Variants in NHS observed in about 807,000 individuals in gnomAD.
The protein encoded by NHS is NHS actin remodeling regulator, also known as actin remodeling regulator NHS.
NHS carries 5 observed loss-of-function variants against 72.5 expected under a neutral mutation model. The observed-to-expected ratio is 0.07, with a 90% CI of 0.04 to 0.14. The LOEUF is 0.14. NHS is among the 10% of genes least tolerant of loss of function. The probability of loss-of-function intolerance (pLI) is 1.00; values close to 1 mark genes in which losing one functional copy is unlikely to be tolerated. For missense variants in NHS, 1,072 were observed against 1,355.7 expected, an observed-to-expected ratio of 0.79 and a Z score of 3.29; for synonymous variants, 464 against 547.7, an observed-to-expected ratio of 0.85 and a Z score of 2.13.
intron 1 of NHS, among the ~76,000 whole-genome samples, chrX:17,503,078 G>T (rs1185872962): frequency 9.0e-6 from 1 of 111,599 alleles, no homozygotes; most frequent in East Asian, 2.8e-4. Context: ...GAACCTTAAG[G>T]CTGGCAAAGA....
intron 1 of NHS, among the ~76,000 whole-genome samples, chrX:17,541,742 A>G (rs1294324146): frequency 2.1e-5 from 2 of 94,452 alleles, no homozygotes; most frequent in East Asian, 7.0e-4. Context: ...CCAGGATGAA[A>G]GAGCCCAAGG....
intron 1 of NHS, among the ~76,000 whole-genome samples, chrX:17,407,013 C>T (rs967128498): frequency 3.6e-5 from 4 of 111,507 alleles, no homozygotes; most frequent in African/African-American, 1.3e-4. Context: ...AGGACTGGGC[C>T]ATGTCAATTC....
chrX:17,566,892 T>C (rs1204858182), intron 1 of NHS, among the ~76,000 whole-genome samples: 3 of 110,921 alleles, frequency 2.7e-5, no homozygotes, highest in Non-Finnish European at 1.9e-5. Context: ...CCATTTAACC[T>C]TGTGACTCAT....
intron 1 of NHS, among the ~76,000 whole-genome samples, chrX:17,500,726 A>G (rs919268326): frequency 8.9e-6 from 1 of 111,803 alleles, no homozygotes. Flanking sequence ...GAAGAGAATG[A>G]CAAGGGTTCA....
At chrX:17,628,561 C>T (rs958040050) in intron 1 of NHS, among the ~76,000 whole-genome samples, 2 of 113,131 alleles carry the variant, frequency 1.8e-5, no homozygotes, top group Non-Finnish European at 3.7e-5. Flanking sequence ...AAGTGACAGA[C>T]GTTTCCTGTG....
intron 1 of NHS, among the ~76,000 whole-genome samples, chrX:17,518,469 G>A (rs953859778): frequency 1.8e-5 from 2 of 111,402 alleles, no homozygotes; most frequent in South Asian, 3.8e-4. Context: ...GCCTCTCCCC[G>A]CCCCTCCAGT....
chrX:17,631,949 T>TTA (rs1403639109), intron 1 of NHS, among the ~76,000 whole-genome samples: 1 of 111,725 alleles, frequency 9.0e-6, no homozygotes, highest in Non-Finnish European at 1.9e-5. Flanking sequence ...AGTCATCACA[T>TTA]TATTGGCCTA....
chrX:17,627,747 A>C (rs1227040877), intron 1 of NHS, among the ~76,000 whole-genome samples: 5 of 111,966 alleles, frequency 4.5e-5, no homozygotes, highest in Admixed American at 9.5e-5. Context: ...TGTTTTTACT[A>C]GGATCCTCAT....
chrX:17,385,569 G>C (rs1439921833), intron 1 of NHS, among the ~76,000 whole-genome samples: 1 of 111,349 alleles, frequency 9.0e-6, no homozygotes, highest in African/African-American at 3.3e-5. Context: ...TTTTTTGTGT[G>C]TTCTAAGCTT....
At chrX:17,666,829 C>G (rs767973065) in intron 1 of NHS, among the ~76,000 whole-genome samples, 1 of 112,101 alleles carries the variant, frequency 8.9e-6, no homozygotes, top group Non-Finnish European at 1.9e-5. Flanking sequence ...CCTAGCAGCA[C>G]GCGAAAAGAG....
intron 1 of NHS, among the ~76,000 whole-genome samples, chrX:17,399,387 C>T (rs2064492475): frequency 8.9e-6 from 1 of 111,817 alleles, no homozygotes; most frequent in African/African-American, 3.2e-5. Context: ...CAGGCGTGAG[C>T]CACCATGCCC....
intron 1 of NHS, among the ~76,000 whole-genome samples, chrX:17,573,688 A>T (rs757678854): frequency 6.9e-4 from 76 of 110,722 alleles, no homozygotes; most frequent in African/African-American, 2.2e-3. Context: ...TCAACTCGTC[A>T]AACTCATTCT....
intron 1 of NHS, among the ~76,000 whole-genome samples, chrX:17,557,905 A>G (rs986592970): frequency 2.7e-5 from 3 of 111,911 alleles, no homozygotes; most frequent in Non-Finnish European, 5.6e-5. Context: ...TCATAGGGCA[A>G]CTCACAACCT....
intron 1 of NHS, among the ~76,000 whole-genome samples, chrX:17,509,176 A>G (rs1241367698): frequency 1.8e-5 from 2 of 110,187 alleles, no homozygotes; most frequent in African/African-American, 6.6e-5. Flanking sequence ...ATTCTTCTTT[A>G]TTCTTGAACT....
intron 1 of NHS, among the ~76,000 whole-genome samples, chrX:17,596,306 G>A (rs1411435952): frequency 8.9e-6 from 1 of 111,889 alleles, no homozygotes; most frequent in Non-Finnish European, 1.9e-5. Flanking sequence ...GGGAGGACCT[G>A]TCTATCATAG....
chrX:17,416,819 T>TGTGTGTGTGAGAGA (rs1445369548), intron 1 of NHS, among the ~76,000 whole-genome samples: 7 of 98,194 alleles, frequency 7.1e-5, no homozygotes, highest in African/African-American at 2.8e-4. Context: ...TGTGTGTGTG[T>TGTGTGTGTGAGAGA]GAGAGAGAGA....
At chrX:17,534,509 A>G (rs1256917098) in intron 1 of NHS, among the ~76,000 whole-genome samples, 1 of 110,792 alleles carries the variant, frequency 9.0e-6, no homozygotes. Context: ...GAAAGCAGCA[A>G]TGTCTTCAAA....
chrX:17,467,824 A>G (rs893054408), intron 1 of NHS, among the ~76,000 whole-genome samples: 1 of 111,760 alleles, frequency 8.9e-6, no homozygotes, highest in Admixed American at 9.5e-5. Context: ...AACTGGGATA[A>G]AACATTTTTT....
At chrX:17,393,377 C>T (rs1290562824) in intron 1 of NHS, among the ~76,000 whole-genome samples, 5 of 111,872 alleles carry the variant, frequency 4.5e-5, no homozygotes, top group East Asian at 5.6e-4. Flanking sequence ...CCTAAAATAG[C>T]GAAAACCCGA....
Sources: gnomAD v4.1 joint callset for allele counts (sites outside exome capture counted in the v4.1 genomes callset) on GRCh38, gnomAD v4.1.1 for gene constraint, MANE v1.5 for transcripts, NCBI Gene and HGNC (gene_info 2026-07-23, HGNC 2026-07-21) for gene names.